Variants in SLC5A4 observed in about 807,000 individuals in gnomAD.
SLC5A4 encodes solute carrier family 5 member 4.
In SLC5A4, 55 loss-of-function variants were observed where a neutral mutation model predicts 70.3. The ratio of observed to expected loss-of-function variants is 0.78; its 90% CI spans 0.63 to 0.98. The LOEUF (loss-of-function observed/expected upper bound fraction) is 0.98. Ranked by LOEUF, SLC5A4 falls within the 50% of genes least tolerant of loss-of-function variation. SLC5A4 has a pLI of 0.00. For missense variants in SLC5A4, 735 were observed against 839.2 expected, an observed-to-expected ratio of 0.88 and a Z score of 1.53; for synonymous variants, 268 against 305.7, an observed-to-expected ratio of 0.88 and a Z score of 1.29.
chr22:32,327,057 ATC>A, the SLC5A4 span: 1 of 152,208 alleles, frequency 6.6e-6, no homozygotes, highest in Non-Finnish European at 1.5e-5. Context: ...ACAAGACTAA[ATC>A]TATGTTGTTT....
At chr22:32,326,824 G>A in the SLC5A4 span, among the ~76,000 whole-genome samples, 1 of 152,182 alleles carries the variant, frequency 6.6e-6, no homozygotes, top group African/African-American at 2.4e-5. Flanking sequence ...AAAGGCAGGA[G>A]GCTCAGAGTC....
At chr22:32,313,645 C>A in the SLC5A4 span, among the ~76,000 whole-genome samples, 2 of 152,152 alleles carry the variant, frequency 1.3e-5, no homozygotes, top group Non-Finnish European at 2.9e-5. Context: ...AAAAGAAATA[C>A]AAACTCCATC....
the SLC5A4 span, among the ~76,000 whole-genome samples, chr22:32,292,861 G>C: frequency 6.6e-6 from 1 of 152,210 alleles, no homozygotes; most frequent in South Asian, 2.1e-4. Flanking sequence ...CTGTTGTAGA[G>C]AGAGGTAGGT....
chr22:32,274,500 C>T, the SLC5A4 span, among the ~76,000 whole-genome samples: 1 of 151,986 alleles, frequency 6.6e-6, no homozygotes, highest in Non-Finnish European at 1.5e-5. Context: ...TTACACTCTA[C>T]TGAGAAGTGA....
At chr22:32,222,555 T>C (rs1925145712) in intron 13 of SLC5A4, among the ~76,000 whole-genome samples, 1 of 152,212 alleles carries the variant, frequency 6.6e-6, no homozygotes, top group Non-Finnish European at 1.5e-5. Flanking sequence ...GTAATAAAAT[T>C]GGTTACTTCT....
the SLC5A4 span, among the ~76,000 whole-genome samples, chr22:32,308,833 CACCCATGTATGCAT>C: frequency 6.6e-6 from 1 of 152,120 alleles, no homozygotes; most frequent in Non-Finnish European, 1.5e-5. Context: ...GGTGTGTGTG[CACCCATGTATGCAT>C]ATGTATGCAT....
At position 32,225,733 on chromosome 22, in the gene SLC5A4, T is replaced by C; in HGVS notation, c.1371A>G (p.Glu457=). 1.2e-6 allele frequency: 2 copies of C among 1,612,880 alleles called. No homozygotes were observed. The highest frequency in any genetic ancestry group is 1.1e-5 in the South Asian group (1 of 91,034). Reference sequence around the variant, plus strand: ...GAGGCCCAAGGTAGCTAGAAATTGATTCTGTGTAATGGATTAGTTGTCCAT... The same window carrying C: ...GAGGCCCAAGGTAGCTAGAAATTGACTCTGTGTAATGGATTAGTTGTCCAT... The part of the protein sequence containing the change: ...SQNGQLIHYT[E]SISSYLGPPI... Residue 457 remains glutamate, a synonymous_variant, in exon 12 of 15, where the codon GAA becomes GAG. Coordinates refer to ENST00000266086, the MANE Select transcript of SLC5A4 (RefSeq NM_014227.3).
At chr22:32,292,072 G>GTA in the SLC5A4 span, among the ~76,000 whole-genome samples, 9,288 of 130,360 alleles carry the variant, frequency 0.071, 720 homozygotes, top group African/African-American at 0.15. Flanking sequence ...CGGGGTTTTA[G>GTA]TATATATATA....
At chr22:32,238,802 T>C (rs767226072) in intron 6 of SLC5A4, among the ~76,000 whole-genome samples, 183 bp downstream of exon 6, 1 of 152,188 alleles carries the variant, frequency 6.6e-6, no homozygotes, top group Non-Finnish European at 1.5e-5. Flanking sequence ...TCACATCTAA[T>C]ATGGAGGATT....
chr22:32,304,541 A>G, the SLC5A4 span, among the ~76,000 whole-genome samples: 18,260 of 152,152 alleles, frequency 0.12, 1,487 homozygotes, highest in Non-Finnish European at 0.18. Context: ...AGCCTCCCAA[A>G]TAGCTGGAAT....
chr22:32,251,510 CCTCTCTCT>C lies in SLC5A4; in HGVS notation c.312+252_312+259del, dbSNP rs113394070. ...TTCTCTCTCTCTCTCATCCTCCATCCCTCTCTCTCTCTCTCTCTCTCTCTCGTGCCCTA... is the reference window on the plus strand; with the variant it reads ...TTCTCTCTCTCTCTCATCCTCCATCCCTCTCTCTCTCTCTCTCGTGCCCTA... On this transcript the variant is annotated intron_variant, in intron 3 of 14. Coordinates refer to ENST00000266086, the MANE Select transcript of SLC5A4 (RefSeq NM_014227.3). 3.3e-4 allele frequency among the ~76,000 whole-genome samples: 48 copies of C among 146,054 alleles called. 1 individual carries two copies. The highest frequency in any genetic ancestry group is 4.0e-4 in the East Asian group (2 of 5,038).
chr22:32,352,930 G>A, the SLC5A4 span, among the ~76,000 whole-genome samples: 11 of 152,206 alleles, frequency 7.2e-5, no homozygotes, highest in Non-Finnish European at 1.5e-4. Context: ...ACAGCGAGGC[G>A]AGCGGTGGTG....
the SLC5A4 span, among the ~76,000 whole-genome samples, chr22:32,261,044 G>C: frequency 1.3e-5 from 2 of 150,588 alleles, no homozygotes; most frequent in Non-Finnish European, 2.9e-5. Context: ...TTGCACTCCA[G>C]CCTGGGTGAC....
chr22:32,240,584 G>A lies in SLC5A4; in HGVS notation c.478-1494C>T, dbSNP rs147731731. On this transcript the variant is annotated intron_variant, in intron 5 of 14. Coordinates refer to ENST00000266086, the MANE Select transcript of SLC5A4 (RefSeq NM_014227.3). ...TAAAATTATTAACAGAACTGAGTCC[G>A]TTTTAAGAGACAAATTGCGTAACAT... Among the ~76,000 whole-genome samples the A allele has an allele frequency of 1.3e-3, 195 of 152,200 alleles. 2 individuals are homozygous for A. The East Asian group carries it at 0.019, about 15-fold the overall frequency.
the SLC5A4 span, among the ~76,000 whole-genome samples, chr22:32,350,769 T>C: frequency 2.0e-5 from 3 of 152,158 alleles, no homozygotes; most frequent in South Asian, 2.1e-4. Context: ...GTATTTTACA[T>C]ATTCATGACC....
the SLC5A4 span, among the ~76,000 whole-genome samples, chr22:32,323,167 C>T: frequency 1.3e-5 from 2 of 152,174 alleles, no homozygotes; most frequent in African/African-American, 2.4e-5. Context: ...CAGCTTACAG[C>T]TTAGCTCTGT....
chr22:32,349,247 A>T, the SLC5A4 span, among the ~76,000 whole-genome samples: 1 of 152,240 alleles, frequency 6.6e-6, no homozygotes, highest in Non-Finnish European at 1.5e-5. Flanking sequence ...TGCTGGGATT[A>T]CAGGCGTGAG....
chr22:32,314,821 CAG>C, the SLC5A4 span, among the ~76,000 whole-genome samples: 5 of 152,210 alleles, frequency 3.3e-5, no homozygotes, highest in East Asian at 3.9e-4. Flanking sequence ...GGCAAAGGGA[CAG>C]AGAGAGTGAG....
At chr22:32,307,828 G>T in the SLC5A4 span, among the ~76,000 whole-genome samples, 1 of 152,102 alleles carries the variant, frequency 6.6e-6, no homozygotes, top group East Asian at 1.9e-4. Context: ...GCGTCATCCA[G>T]GCATGGCCTG....
Sources: gnomAD v4.1 joint callset for allele counts (sites outside exome capture counted in the v4.1 genomes callset) on GRCh38, gnomAD v4.1.1 for gene constraint, MANE v1.5 for transcripts, NCBI Gene and HGNC (gene_info 2026-07-23, HGNC 2026-07-21) for gene names.